The following FAM227B variants were observed in gnomAD, a reference collection of about 807,000 sequenced individuals.
The protein encoded by FAM227B is protein FAM227B.
FAM227B carries 88 observed loss-of-function variants against 73.8 expected under a neutral mutation model. That is an observed-to-expected ratio of 1.19 (90% CI 1.00 to 1.42). FAM227B has a LOEUF of 1.42. FAM227B is among the 40% of genes most tolerant of loss of function. FAM227B has a pLI of 0.00. For missense variants in FAM227B, 632 were observed against 590.9 expected (o/e 1.07, Z -0.72); for synonymous variants, 210 against 190.5 (o/e 1.10, Z -0.84).
At chr15:49,337,476 C>T (rs1416673592) in intron 13 of FAM227B, among the ~76,000 whole-genome samples, 1 of 45,940 alleles carries the variant, frequency 2.2e-5, no homozygotes, top group Non-Finnish European at 4.9e-5. Flanking sequence ...GTTTGTTGGA[C>T]ACTTGCAATG....
chr15:49,588,493 G>A (rs2152403959), intron 4 of FAM227B, among the ~76,000 whole-genome samples: 1 of 138,090 alleles, frequency 7.2e-6, no homozygotes, highest in Middle Eastern at 4.0e-3. Context: ...GGGCTCTGAA[G>A]TCAGATAACC....
At position 49,574,947 on chromosome 15, in the gene FAM227B, T is replaced by C. The variant is rs1470715420; in HGVS notation, c.645+64A>G. 20 of 982,298 alleles carry C rather than the reference T, an allele frequency of 2.0e-5. No individual in the cohort carries two copies. The South Asian group carries it at 2.7e-4, about 13-fold the overall frequency. The allele number at this position is 982,298 out of a possible 1,614,324, so 60.8% of individuals were successfully genotyped here. On this transcript the variant is annotated intron_variant, in intron 8 of 15. Coordinates refer to ENST00000299338, the MANE Select transcript of FAM227B (RefSeq NM_152647.3). ...AAAACATTTTTGTACTAGACTTATC[T>C]CTATTGAAAAATTAATTATGCCAAA...
intron 13 of FAM227B, among the ~76,000 whole-genome samples, chr15:49,346,799 A>T (rs1296192973): frequency 6.6e-6 from 1 of 152,188 alleles, no homozygotes; most frequent in Admixed American, 6.5e-5. Flanking sequence ...CCTACTTTAT[A>T]CACTAGAATG....
At chr15:49,469,426 A>G (rs1234569924) in intron 11 of FAM227B, among the ~76,000 whole-genome samples, 1 of 152,160 alleles carries the variant, frequency 6.6e-6, no homozygotes, top group African/African-American at 2.4e-5. Context: ...TATGTGATTT[A>G]TAAGCACTAT....
intron 9 of FAM227B, among the ~76,000 whole-genome samples, chr15:49,557,280 A>G (rs528233979): frequency 4.2e-4 from 64 of 152,006 alleles, no homozygotes; most frequent in African/African-American, 1.5e-3. Flanking sequence ...TGGCCATTTT[A>G]TTACTTCTTT....
At chr15:49,615,808 C>T (rs778714960) in intron 1 of FAM227B, among the ~76,000 whole-genome samples, 16 of 152,078 alleles carry the variant, frequency 1.1e-4, no homozygotes, top group Non-Finnish European at 1.6e-4. Flanking sequence ...ACATGACAAA[C>T]GACATGCATA....
At chr15:49,359,936 G>A (rs1469916007) in intron 13 of FAM227B, among the ~76,000 whole-genome samples, 1 of 150,318 alleles carries the variant, frequency 6.7e-6, no homozygotes, top group African/African-American at 2.5e-5. Flanking sequence ...CATGTCCTTT[G>A]TATGGACATG....
chr15:49,594,049 A>G (rs930389526), intron 3 of FAM227B, among the ~76,000 whole-genome samples: 2 of 152,200 alleles, frequency 1.3e-5, no homozygotes, highest in African/African-American at 4.8e-5. Flanking sequence ...TCACACCAAC[A>G]GAGTAAAAGT....
intron 11 of FAM227B, among the ~76,000 whole-genome samples, chr15:49,451,803 G>A (rs995163859): frequency 2.0e-5 from 3 of 152,030 alleles, no homozygotes; most frequent in Non-Finnish European, 2.9e-5. Context: ...TACTTATATA[G>A]CAATCAAGAG....
At chr15:49,345,784 T>C (rs2041388192) in intron 13 of FAM227B, among the ~76,000 whole-genome samples, 1 of 152,222 alleles carries the variant, frequency 6.6e-6, no homozygotes, top group Non-Finnish European at 1.5e-5. Context: ...TTCATCTCCC[T>C]TTATAATCAC....
intron 11 of FAM227B, among the ~76,000 whole-genome samples, chr15:49,479,449 A>G (rs1332756807): frequency 2.0e-5 from 3 of 152,166 alleles, no homozygotes; most frequent in Non-Finnish European, 2.9e-5. Context: ...ATGTGAGGCA[A>G]CGGATACACT....
chr15:49,436,645 G>A (rs953768183), intron 11 of FAM227B, among the ~76,000 whole-genome samples: 1 of 151,318 alleles, frequency 6.6e-6, no homozygotes, highest in Non-Finnish European at 1.5e-5. Context: ...GCAGACTTAT[G>A]CTCATTTGCA....
At position 49,452,724 on chromosome 15, in the gene FAM227B, T is replaced by C. The variant is rs551635967; in HGVS notation, c.1012+55487A>G. ...GTCTCTCTGAATCTTGGTTTCTTTA[T>C]TGGGTGACTGAGATAGTATCTAATC... On this transcript the variant is annotated intron_variant, in intron 11 of 15. Transcript: ENST00000299338. 4.6e-5 allele frequency among the ~76,000 whole-genome samples: 7 copies of C among 152,270 alleles called. No individual in the cohort carries two copies. In the South Asian group the frequency reaches 1.0e-3, roughly 23 times the overall value.
intron 5 of FAM227B, among the ~76,000 whole-genome samples, chr15:49,583,912 C>T (rs2075981580): frequency 6.6e-6 from 1 of 152,148 alleles, no homozygotes; most frequent in Admixed American, 6.6e-5. Flanking sequence ...GATAAATTCA[C>T]AACTGAATTC....
intron 11 of FAM227B, among the ~76,000 whole-genome samples, chr15:49,438,144 A>G (rs751216025): frequency 5.3e-5 from 8 of 151,690 alleles, no homozygotes; most frequent in Non-Finnish European, 1.0e-4. Context: ...ATAAGACTGC[A>G]GGGAAGTCTC....
intron 10 of FAM227B, among the ~76,000 whole-genome samples, chr15:49,524,627 G>T (rs528927149): frequency 1.2e-4 from 18 of 152,116 alleles, no homozygotes; most frequent in Non-Finnish European, 2.2e-4. Flanking sequence ...CAGAATGGTA[G>T]ATCCACTGAC....
intron 11 of FAM227B, among the ~76,000 whole-genome samples, chr15:49,381,354 G>A (rs2046521642): frequency 6.6e-6 from 1 of 152,156 alleles, no homozygotes; most frequent in Non-Finnish European, 1.5e-5. Context: ...CTATATGCCT[G>A]GTGTCCTTTC....
intron 11 of FAM227B, among the ~76,000 whole-genome samples, chr15:49,414,290 A>G (rs1005673631): frequency 2.0e-5 from 3 of 152,012 alleles, no homozygotes. Context: ...GACTGAATAT[A>G]TAAGAGAAAG....
chr15:49,579,604 T>C (rs1222033851), intron 5 of FAM227B, among the ~76,000 whole-genome samples: 1 of 152,112 alleles, frequency 6.6e-6, no homozygotes, highest in African/African-American at 2.4e-5. Flanking sequence ...CGTGGAGGTA[T>C]AGAGTAGAAT....
Sources: allele counts gnomAD v4.1 joint callset (sites outside exome capture counted in the v4.1 genomes callset), GRCh38; gene constraint gnomAD v4.1.1; transcripts MANE v1.5; gene names NCBI Gene and HGNC (gene_info 2026-07-23, HGNC 2026-07-21).